ZFYVE28: variants seen among roughly 807,000 people sequenced by gnomAD.
The protein encoded by ZFYVE28 is lateral signaling target protein 2 homolog.
ZFYVE28 carries 40 observed loss-of-function variants against 82.1 expected under a neutral mutation model. The observed-to-expected ratio is 0.49, with a 90% CI of 0.38 to 0.63. The LOEUF (loss-of-function observed/expected upper bound fraction) is 0.63, where lower values mean the gene tolerates loss of function less well. Among genes scored for constraint, ZFYVE28 ranks in the 30% least tolerant of loss-of-function variants. ZFYVE28 has a pLI of 0.00. For missense variants in ZFYVE28, 1,321 were observed against 1,242.1 expected (o/e 1.06, Z -0.96); for synonymous variants, 612 against 546.1 (o/e 1.12, Z -1.68).
intron 7 of ZFYVE28, among the ~76,000 whole-genome samples, chr4:2,314,257 A>G (rs1717898725): frequency 6.6e-6 from 1 of 152,162 alleles, no homozygotes; most frequent in Non-Finnish European, 1.5e-5. Context: ...TATGTTGTCT[A>G]TTTACTCTCA....
At chr4:2,340,436 C>T (rs139804520) in intron 3 of ZFYVE28, among the ~76,000 whole-genome samples, 6 of 152,316 alleles carry the variant, frequency 3.9e-5, no homozygotes, top group East Asian at 1.9e-4. Context: ...GCCGGGGCCT[C>T]GCCAGGTTTA....
intron 2 of ZFYVE28, among the ~76,000 whole-genome samples, chr4:2,346,299 G>C (rs531992222): frequency 8.1e-5 from 12 of 148,018 alleles, no homozygotes; most frequent in Admixed American, 2.0e-4. Flanking sequence ...CCGAGATCGC[G>C]CCACTGCACT....
At position 2,362,658 on chromosome 4, in the gene ZFYVE28, A is replaced by T. The variant is rs1235028078; in HGVS notation, c.40-8585T>A. On this transcript the variant is annotated intron_variant, in intron 1 of 12. Transcript: ENST00000290974. This position sits in a 1 kb window ranked among gnomAD's most constrained non-coding sequence, Gnocchi z 5.1. Reference sequence around the variant, plus strand: ...CACTGACCTGGCAGCACCACCAGCCACCGGCAGCAGATCTGGGGCCCCAGA... The same window carrying T: ...CACTGACCTGGCAGCACCACCAGCCTCCGGCAGCAGATCTGGGGCCCCAGA... Among the ~76,000 whole-genome samples, 2 of 151,912 alleles carry T rather than the reference A, an allele frequency of 1.3e-5. No homozygotes were observed. Among genetic ancestry groups the T allele is most frequent in the Admixed American group, 1.3e-4 (2 of 15,266 alleles).
chr4:2,270,689 T>G lies in ZFYVE28; in HGVS notation c.*36A>C. 1 of 1,611,628 alleles carries G rather than the reference T, an allele frequency of 6.2e-7. No homozygotes were observed. ...GTGGCCCCACCTTCCTGGGGGTTCCTGGCCCGGGTGGGTTGGGGCTGCCCC... is the reference window on the plus strand; with the variant it reads ...GTGGCCCCACCTTCCTGGGGGTTCCGGGCCCGGGTGGGTTGGGGCTGCCCC... On this transcript the variant is annotated 3_prime_UTR_variant, in exon 13 of 13. Transcript: ENST00000290974.
intron 1 of ZFYVE28, among the ~76,000 whole-genome samples, chr4:2,361,420 G>A (rs904241102): frequency 1.3e-5 from 2 of 152,132 alleles, no homozygotes; most frequent in Non-Finnish European, 2.9e-5. Flanking sequence ...GGAGAGAGAC[G>A]CGGTGCGCAC....
At chr4:2,400,936 T>C (rs1357738171) in intron 1 of ZFYVE28, among the ~76,000 whole-genome samples, 1 of 152,206 alleles carries the variant, frequency 6.6e-6, no homozygotes, top group Non-Finnish European at 1.5e-5. Context: ...GTTGGCAGTA[T>C]TAACCATCAC....
intron 6 of ZFYVE28, among the ~76,000 whole-genome samples, chr4:2,331,264 G>A (rs1374972474): frequency 6.6e-6 from 1 of 152,094 alleles, no homozygotes; most frequent in Non-Finnish European, 1.5e-5. Context: ...CAGCGAGGCG[G>A]GCAGGCAGGT....
chr4:2,307,840 G>C (rs888539380), intron 7 of ZFYVE28, among the ~76,000 whole-genome samples: 1 of 152,120 alleles, frequency 6.6e-6, no homozygotes. Flanking sequence ...GTCTGGAGTT[G>C]ATTTTTGTGT....
chr4:2,342,141 G>C (rs956290512), intron 2 of ZFYVE28, among the ~76,000 whole-genome samples: 1 of 152,234 alleles, frequency 6.6e-6, no homozygotes, highest in Non-Finnish European at 1.5e-5. Flanking sequence ...GGTCAGAAGA[G>C]TGCAGTTACG....
rs661301 is a variant in ZFYVE28 at position 2,304,326 on chromosome 4, A to G, written c.2014T>C (p.Ser672Pro). 1,312,110 of 1,601,460 alleles carry G rather than the reference A, an allele frequency of 0.82. 539,903 individuals carry two copies. Among genetic ancestry groups the G allele is most frequent in the Non-Finnish European group, 0.84 (992,425 of 1,177,978 alleles). Residue 672 changes from serine to proline, a missense_variant, in exon 8 of 13, where the codon TCG becomes CCG. By Grantham distance (74) the Ser-to-Pro change is moderately conservative (BLOSUM62 -1). Coordinates refer to ENST00000290974, the MANE Select transcript of ZFYVE28 (RefSeq NM_020972.3). ...EARELHAGSP[S>P]AHEAPQALSG... is the part of the protein sequence containing the mutation. ...AGGGCCTGAGGCGCCTCGTGAGCCGAGGGGCTCCCAGCATGCAGCTCTCTG... is the reference window on the plus strand; with the variant it reads ...AGGGCCTGAGGCGCCTCGTGAGCCGGGGGGCTCCCAGCATGCAGCTCTCTG...
chr4:2,405,538 G>C (rs182615838), intron 1 of ZFYVE28, among the ~76,000 whole-genome samples: 1 of 152,366 alleles, frequency 6.6e-6, no homozygotes, highest in Non-Finnish European at 1.5e-5. Flanking sequence ...ACATGGCCGA[G>C]CTGTAACCTT....
chr4:2,271,545 G>T (rs944105382), intron 11 of ZFYVE28, 130 bp downstream of exon 11: 23 of 1,406,788 alleles, frequency 1.6e-5, no homozygotes, highest in Non-Finnish European at 2.2e-5. Flanking sequence ...CTCCGGGGGG[G>T]CGGTCTCCCA....
At chr4:2,405,141 T>C (rs1192809820) in intron 1 of ZFYVE28, among the ~76,000 whole-genome samples, 1 of 152,226 alleles carries the variant, frequency 6.6e-6, no homozygotes, top group Non-Finnish European at 1.5e-5. Context: ...CTTGGATAGT[T>C]CCAAAGTGAG....
At chr4:2,333,132 C>G (rs1048537715) in intron 6 of ZFYVE28, among the ~76,000 whole-genome samples, 9 of 152,016 alleles carry the variant, frequency 5.9e-5, no homozygotes, top group Non-Finnish European at 5.9e-5. Flanking sequence ...GGGACAAAGC[C>G]TCTGCCAACA....
chr4:2,407,163 T>C (rs147240813), intron 1 of ZFYVE28, among the ~76,000 whole-genome samples: 1 of 152,246 alleles, frequency 6.6e-6, no homozygotes, highest in Non-Finnish European at 1.5e-5. Context: ...CTTCTGACTT[T>C]GATTTTCCTC....
Position 2,300,194 on chromosome 4 carries a change from G to A in ZFYVE28, c.2051+4095C>T, listed in dbSNP as rs1212245606. Among the ~76,000 whole-genome samples the A allele has an allele frequency of 6.6e-6, 1 of 152,194 alleles. No individual in the cohort carries two copies. Among genetic ancestry groups the A allele is most frequent in the Non-Finnish European group, 1.5e-5 (1 of 68,038 alleles). On this transcript the variant is annotated intron_variant, in intron 8 of 12. Coordinates refer to ENST00000290974, the MANE Select transcript of ZFYVE28 (RefSeq NM_020972.3). This position sits in a 1 kb window ranked among gnomAD's most constrained non-coding sequence, Gnocchi z 4.6. ...GTGTTACTTTTTGCAGAAGGCAAAG[G>A]CTGGAAATCCACTTCATGGTGTCCC...
At chr4:2,368,220 A>AAAAAAAAAAAAAAAAAAC (rs1553856559) in intron 1 of ZFYVE28, among the ~76,000 whole-genome samples, 1 of 149,096 alleles carries the variant, frequency 6.7e-6, no homozygotes, top group African/African-American at 2.5e-5. Flanking sequence ...ACAAAAAAAA[A>AAAAAAAAAAAAAAAAAAC]AAAAAAAAAA....
At chr4:2,309,949 T>C (rs1241689359) in intron 7 of ZFYVE28, among the ~76,000 whole-genome samples, 1 of 152,238 alleles carries the variant, frequency 6.6e-6, no homozygotes, top group Non-Finnish European at 1.5e-5. Context: ...CAAAATTATA[T>C]GATTTTTCTT....
chr4:2,333,787 A>C (rs1721115443), intron 6 of ZFYVE28, among the ~76,000 whole-genome samples: 1 of 152,258 alleles, frequency 6.6e-6, no homozygotes, highest in African/African-American at 2.4e-5. Flanking sequence ...GGTGGAAACA[A>C]GGCCGGCTCG....
Sources: gnomAD v4.1 joint callset for allele counts (sites outside exome capture counted in the v4.1 genomes callset) on GRCh38, gnomAD v4.1.1 for gene constraint, Gnocchi (gnomAD v3.1) non-coding constraint, MANE v1.5 for transcripts, NCBI Gene and HGNC (gene_info 2026-07-23, HGNC 2026-07-21) for gene names.